ADGRL2: variants seen among roughly 807,000 people sequenced by gnomAD.
ADGRL2 encodes the protein calcium-independent alpha-latrotoxin receptor 2.
Under a neutral mutation model 157.4 loss-of-function variants are expected in ADGRL2, and 44 were observed. The observed-to-expected ratio is 0.28, with a 90% CI of 0.22 to 0.36. ADGRL2 has a LOEUF of 0.36. Among genes scored for constraint, ADGRL2 ranks in the 10% least tolerant of loss-of-function variants. ADGRL2 has a pLI of 1.00. For synonymous variants in ADGRL2, 585 were observed against 624.7 expected (o/e 0.94, Z 0.95); for missense variants, 1,510 against 1,768.9 (o/e 0.85, Z 2.63).
exon 3 of ADGRL2, chr1:81,580,939 T>C (rs1416027285): frequency 1.3e-5 from 2 of 152,204 alleles, no homozygotes; most frequent in South Asian, 2.1e-4. Context: ...GCTGTCCTTA[T>C]GCTTTACAAA....
At chr1:81,351,852 G>A (rs915622575) in intron 1 of ADGRL2, among the ~76,000 whole-genome samples, 1 of 152,208 alleles carries the variant, frequency 6.6e-6, no homozygotes, top group African/African-American at 2.4e-5. Context: ...AAGTGTCTAA[G>A]TCAGTTTAAA....
At chr1:81,515,090 G>A (rs2079150025) in intron 2 of ADGRL2, 1 of 152,130 alleles carries the variant, frequency 6.6e-6, no homozygotes, top group African/African-American at 2.4e-5. Flanking sequence ...TCTCCGTTTA[G>A]ATTCTGGTTG....
At chr1:81,702,741 A>G (rs2083613470) in intron 1 of ADGRL2, among the ~76,000 whole-genome samples, 1 of 152,244 alleles carries the variant, frequency 6.6e-6, no homozygotes, top group Admixed American at 6.5e-5. Flanking sequence ...TATATGGATT[A>G]CTGGTATCTT....
intron 2 of ADGRL2, among the ~76,000 whole-genome samples, chr1:81,533,987 C>T (rs2079669664): frequency 6.6e-6 from 1 of 152,180 alleles, no homozygotes; most frequent in South Asian, 2.1e-4. Flanking sequence ...GACAAAGCCT[C>T]ACTATGAACA....
chr1:81,316,762 T>C (rs1266766775), intron 1 of ADGRL2, among the ~76,000 whole-genome samples: 4 of 152,244 alleles, frequency 2.6e-5, no homozygotes, highest in African/African-American at 4.8e-5. Flanking sequence ...TTCTGATTTA[T>C]GTCTTTGCTG....
intron 1 of ADGRL2, among the ~76,000 whole-genome samples, chr1:81,748,010 C>T (rs1301403649): frequency 1.3e-5 from 2 of 152,102 alleles, no homozygotes; most frequent in Non-Finnish European, 2.9e-5. Flanking sequence ...CTTTCTTTTA[C>T]AGATGGATGC....
chr1:81,461,105 C>G (rs1367163487), intron 2 of ADGRL2, among the ~76,000 whole-genome samples: 3 of 152,110 alleles, frequency 2.0e-5, no homozygotes, highest in South Asian at 2.1e-4. Flanking sequence ...ATCCAGATGT[C>G]TTTTCCATCT....
intron 1 of ADGRL2, among the ~76,000 whole-genome samples, chr1:81,726,585 T>C (rs2149156081): frequency 6.6e-6 from 1 of 152,210 alleles, no homozygotes; most frequent in Middle Eastern, 3.4e-3. Context: ...GATTGAGGAG[T>C]CGTTCCCCAA....
At chr1:81,626,683 G>A (rs937825148) in intron 3 of ADGRL2, among the ~76,000 whole-genome samples, 1 of 152,204 alleles carries the variant, frequency 6.6e-6, no homozygotes, top group Admixed American at 6.5e-5. Flanking sequence ...CACTGTAACA[G>A]AGTCAACTGG....
intron 2 of ADGRL2, among the ~76,000 whole-genome samples, chr1:81,903,818 C>T (rs375124881): frequency 0.17 from 23,921 of 142,980 alleles, 2,426 homozygotes; most frequent in Middle Eastern, 0.31. Context: ...TATATACACA[C>T]ACACACACAC....
chr1:81,417,756 A>T (rs2077057166), intron 1 of ADGRL2, among the ~76,000 whole-genome samples: 1 of 152,210 alleles, frequency 6.6e-6, no homozygotes, highest in Non-Finnish European at 1.5e-5. Flanking sequence ...TTCTTTAACA[A>T]GATTTGATAT....
chr1:81,379,393 T>C (rs1020428565), intron 1 of ADGRL2, among the ~76,000 whole-genome samples: 4 of 152,142 alleles, frequency 2.6e-5, no homozygotes, highest in Admixed American at 2.0e-4. Context: ...CAGCTTGTGT[T>C]AGTCGGCTCA....
At chr1:81,707,352 C>A (rs2083770392) in intron 1 of ADGRL2, among the ~76,000 whole-genome samples, 1 of 152,166 alleles carries the variant, frequency 6.6e-6, no homozygotes, top group South Asian at 2.1e-4. Flanking sequence ...TGTTCATGGC[C>A]TATTTTATCT....
chr1:81,615,033 T>A (rs1278710020), intron 3 of ADGRL2, among the ~76,000 whole-genome samples: 1 of 151,500 alleles, frequency 6.6e-6, no homozygotes, highest in African/African-American at 2.4e-5. Flanking sequence ...TAAAGTAAAA[T>A]AAAATAAAAA....
chr1:81,726,870 C>G (rs2084547762), intron 1 of ADGRL2, among the ~76,000 whole-genome samples: 1 of 152,186 alleles, frequency 6.6e-6, no homozygotes, highest in Non-Finnish European at 1.5e-5. Flanking sequence ...CCTAAGCTAT[C>G]ATTAGGGATT....
intron 2 of ADGRL2, among the ~76,000 whole-genome samples, chr1:81,546,841 C>T (rs1338232911): frequency 2.0e-5 from 3 of 152,138 alleles, no homozygotes; most frequent in Non-Finnish European, 4.4e-5. Context: ...TAAGTCCTCC[C>T]GGCCTGGTCT....
chr1:81,449,743 A>C (rs2077671279), intron 2 of ADGRL2, among the ~76,000 whole-genome samples: 2 of 152,108 alleles, frequency 1.3e-5, no homozygotes, highest in South Asian at 4.1e-4. Context: ...CTGGGACTAC[A>C]GGCATGTACC....
intron 2 of ADGRL2, among the ~76,000 whole-genome samples, chr1:81,783,663 G>A (rs868702704): frequency 3.1e-4 from 47 of 152,020 alleles, no homozygotes; most frequent in Admixed American, 1.9e-3. Context: ...TACGATGATA[G>A]GACTTTTACG....
chr1:81,893,171 C>CTA (rs2094306456), intron 2 of ADGRL2, among the ~76,000 whole-genome samples: 1 of 152,084 alleles, frequency 6.6e-6, no homozygotes, highest in Non-Finnish European at 1.5e-5. Context: ...GTTCCTGCTT[C>CTA]TACATAGTCC....
Sources: allele counts gnomAD v4.1 joint callset (sites outside exome capture counted in the v4.1 genomes callset), GRCh38; gene constraint gnomAD v4.1.1; transcripts MANE v1.5; gene names NCBI Gene and HGNC (gene_info 2026-07-23, HGNC 2026-07-21).